Variants in M1AP observed in about 807,000 individuals in gnomAD.
M1AP encodes meiosis 1 arrest protein.
In M1AP, 39 loss-of-function variants were observed where a neutral mutation model predicts 51.2. That is an observed-to-expected ratio of 0.76 (90% CI 0.59 to 1.00). The LOEUF is 1.00. M1AP is among the 50% of genes least tolerant of loss of function. The pLI is 0.00. For synonymous variants in M1AP, 251 were observed against 249.2 expected (o/e 1.01, Z -0.07); for missense variants, 545 against 641.2 (o/e 0.85, Z 1.62).
intron 2 of M1AP, among the ~76,000 whole-genome samples, chr2:74,633,827 C>T (rs1224179606): frequency 1.3e-5 from 2 of 152,206 alleles, no homozygotes; most frequent in Non-Finnish European, 2.9e-5. Context: ...CCCTCCTCTT[C>T]AGTCCTAGAG....
intron 4 of M1AP, among the ~76,000 whole-genome samples, chr2:74,605,816 G>T (rs768278644): frequency 1.1e-4 from 17 of 151,862 alleles, no homozygotes; most frequent in Non-Finnish European, 1.8e-4. Context: ...CAGGAGAATG[G>T]CATGAACCTG....
intron 2 of M1AP, among the ~76,000 whole-genome samples, chr2:74,624,665 A>T (rs1162157266): frequency 2.0e-5 from 3 of 152,228 alleles, no homozygotes; most frequent in African/African-American, 7.2e-5. Context: ...GAATACATAC[A>T]TTCATAGGGT....
intron 1 of M1AP, among the ~76,000 whole-genome samples, chr2:74,641,613 C>CA (rs1266509196): frequency 2.0e-5 from 3 of 151,044 alleles, no homozygotes; most frequent in Admixed American, 6.6e-5. Flanking sequence ...TGAGCTCCAT[C>CA]AAACATGCAA....
rs750331231 is a variant in M1AP, at chr2:74,581,719, AAAG to A, written c.721_723del (p.Leu241del). 1.1e-5 allele frequency: 18 copies of A among 1,614,000 alleles called. No homozygotes were observed. Among genetic ancestry groups the A allele is most frequent in the African/African-American group, 2.7e-5 (2 of 74,930 alleles). On this transcript the variant is annotated inframe_deletion, in exon 5 of 11. Coordinates refer to ENST00000421985, the MANE Select transcript of M1AP (RefSeq NM_001321739.2). ...GAAATGTTGCTGAAACACTGTGAAG[AAAG>A]AAGAAGATGGATTTGTTCTTGGTCT...
intron 1 of M1AP, among the ~76,000 whole-genome samples, chr2:74,645,291 G>C (rs746692356): frequency 2.4e-4 from 36 of 152,298 alleles, no homozygotes; most frequent in Admixed American, 8.5e-4. Flanking sequence ...ACAAACTCCG[G>C]ACACACCATC....
chr2:74,648,304 C>G lies in M1AP; in HGVS notation c.-92G>C, dbSNP rs1683723976. ...CGGAGGCCCCCTCACCTGGTCCTCCCGGCTCTCAGCGTGCGCCCGCGCGTT... is the reference window on the plus strand; with the variant it reads ...CGGAGGCCCCCTCACCTGGTCCTCCGGGCTCTCAGCGTGCGCCCGCGCGTT... On this transcript the variant is annotated 5_prime_UTR_variant, in exon 1 of 11. Transcript: ENST00000421985. 3 of 985,490 alleles carry G rather than the reference C, an allele frequency of 3.0e-6. No individual in the cohort carries two copies. Among genetic ancestry groups the G allele is most frequent in the Non-Finnish European group, 3.6e-6 (3 of 829,974 alleles). The allele number at this position is 985,490 out of a possible 1,614,324, so 61.0% of individuals were successfully genotyped here.
At chr2:74,621,599 C>T (rs1682043063) in intron 2 of M1AP, among the ~76,000 whole-genome samples, 1 of 151,028 alleles carries the variant, frequency 6.6e-6, no homozygotes, top group Non-Finnish European at 1.5e-5. Context: ...TCCTGGCTAA[C>T]AAGGTGAAAC....
intron 7 of M1AP, among the ~76,000 whole-genome samples, chr2:74,562,862 G>A (rs1296331886): frequency 1.3e-5 from 2 of 152,124 alleles, no homozygotes; most frequent in African/African-American, 2.4e-5. Context: ...GCTTCAGTGA[G>A]CCATGATTGT....
chr2:74,594,111 A>G (rs1680192023), intron 4 of M1AP, among the ~76,000 whole-genome samples: 1 of 152,242 alleles, frequency 6.6e-6, no homozygotes, highest in Non-Finnish European at 1.5e-5. Context: ...TGCTCACTGC[A>G]GGCACAACAG....
intron 2 of M1AP, among the ~76,000 whole-genome samples, chr2:74,638,975 C>T (rs1683137915): frequency 6.6e-6 from 1 of 152,208 alleles, no homozygotes; most frequent in Non-Finnish European, 1.5e-5. Flanking sequence ...TTCCCATCCC[C>T]AACCCAGCCT....
chr2:74,575,649 T>G (rs1679020791), intron 6 of M1AP, 70 bp from the exon 7 acceptor site: 2 of 1,252,436 alleles, frequency 1.6e-6, no homozygotes, highest in Non-Finnish European at 2.3e-6. Flanking sequence ...TCCACTTCAA[T>G]TCAGCTTAAC....
intron 3 of M1AP, among the ~76,000 whole-genome samples, chr2:74,611,700 C>G (rs994911568): frequency 6.6e-6 from 1 of 150,694 alleles, no homozygotes; most frequent in East Asian, 2.0e-4. Flanking sequence ...GGCGTGGTGG[C>G]GCATGCCTGT....
intron 2 of M1AP, among the ~76,000 whole-genome samples, chr2:74,631,735 A>C (rs759553012): frequency 1.8e-4 from 27 of 152,146 alleles, no homozygotes; most frequent in Non-Finnish European, 3.5e-4. Flanking sequence ...TTCTGGTTGA[A>C]ATTATTTATA....
At chr2:74,631,520 G>T (rs942261709) in intron 2 of M1AP, among the ~76,000 whole-genome samples, 4 of 151,926 alleles carry the variant, frequency 2.6e-5, no homozygotes, top group African/African-American at 9.7e-5. Context: ...TCTATTACTT[G>T]TCACCTTGAA....
intron 4 of M1AP, among the ~76,000 whole-genome samples, chr2:74,604,589 C>T (rs1453016214): frequency 6.6e-6 from 1 of 152,192 alleles, no homozygotes; most frequent in East Asian, 1.9e-4. Flanking sequence ...TTGCCACCAC[C>T]CTTCCCTCCC....
chr2:74,617,489 C>T (rs1424349635), intron 2 of M1AP, among the ~76,000 whole-genome samples: 1 of 152,092 alleles, frequency 6.6e-6, no homozygotes, highest in Non-Finnish European at 1.5e-5. Context: ...AACACATGGA[C>T]ACATAAAAAG....
In M1AP at chr2:74,577,934, A is replaced by G. The variant is rs762553117; in HGVS notation, c.770-1316T>C. Among the ~76,000 whole-genome samples the G allele has an allele frequency of 9.9e-5, 15 of 152,150 alleles. No homozygotes were observed. In the East Asian group the frequency reaches 2.1e-3, roughly 21 times the overall value. The stretch of plus-strand genomic sequence containing the variant: ...TGGTTTCATAAAAGACAATTTTTCC[A>G]TGGGGTGGTGGGGGATGGTACTGTT... On this transcript the variant is annotated intron_variant, in intron 5 of 10. Transcript: ENST00000421985.
intron 4 of M1AP, among the ~76,000 whole-genome samples, chr2:74,590,292 G>A (rs1415211278): frequency 6.6e-6 from 1 of 152,138 alleles, no homozygotes; most frequent in Non-Finnish European, 1.5e-5. Flanking sequence ...GGTGGAGGGG[G>A]CAGACAAGCT....
At chr2:74,565,172 G>A (rs113261453) in intron 7 of M1AP, among the ~76,000 whole-genome samples, 1 of 150,810 alleles carries the variant, frequency 6.6e-6, no homozygotes, top group East Asian at 2.0e-4. Flanking sequence ...GCAGTGAGCC[G>A]AGATCACACC....
Sources: gnomAD v4.1 joint callset for allele counts (sites outside exome capture counted in the v4.1 genomes callset) on GRCh38, gnomAD v4.1.1 for gene constraint, MANE v1.5 for transcripts, NCBI Gene and HGNC (gene_info 2026-07-23, HGNC 2026-07-21) for gene names.